The following CFAP65 variants were observed in gnomAD, a reference collection of about 807,000 sequenced individuals.
CFAP65 encodes cilia- and flagella-associated protein 65.
A neutral mutation model predicts 208.0 loss-of-function variants in CFAP65; 155 were observed. That is an observed-to-expected ratio of 0.75 (90% CI 0.65 to 0.85). The LOEUF is 0.85. Among genes scored for constraint, CFAP65 ranks in the 40% least tolerant of loss-of-function variants. The probability of loss-of-function intolerance (pLI) is 0.00; values close to 1 mark genes in which losing one functional copy is unlikely to be tolerated. For missense variants in CFAP65, 2,294 were observed against 2,451.3 expected, an observed-to-expected ratio of 0.94 and a Z score of 1.36; for synonymous variants, 970 against 986.3, an observed-to-expected ratio of 0.98 and a Z score of 0.31.
intron 3 of CFAP65, 158 bp from the exon 4 acceptor site, chr2:219,038,736 C>T (rs138105180): frequency 3.5e-5 from 39 of 1,103,608 alleles, no homozygotes; most frequent in South Asian, 1.3e-4. Context: ...AGGCTGTACA[C>T]GAGATCCAGG....
chr2:219,020,495 C>T (rs1168803829), intron 19 of CFAP65, among the ~76,000 whole-genome samples: 1 of 152,210 alleles, frequency 6.6e-6, no homozygotes, highest in Non-Finnish European at 1.5e-5. Flanking sequence ...ATCCTCCTGC[C>T]TCAGCCTCCC....
intron 24 of CFAP65, among the ~76,000 whole-genome samples, chr2:219,012,674 A>C (rs1379700563): frequency 6.6e-6 from 1 of 152,252 alleles, no homozygotes. Context: ...ATCAGTAAAG[A>C]AAGAAAGGTC....
In CFAP65 at chr2:219,035,666, T is replaced by C; in HGVS notation, c.358-2A>G. ...CTGAGTGTCCATGGAGCTTGCGGGC[T>C]GTTCAGGTGGCAGGGAGAAGGGGGA... On this transcript the variant is annotated splice_acceptor_variant, in intron 4 of 34. Transcript: ENST00000341552. LOFTEE classifies it high-confidence loss of function. 6.2e-7 allele frequency: 1 copy of C among 1,607,430 alleles called. No homozygotes were observed. Among genetic ancestry groups the C allele is most frequent in the Admixed American group, 1.7e-5 (1 of 59,438 alleles).
chr2:219,023,813 G>T (rs570669730), intron 15 of CFAP65, among the ~76,000 whole-genome samples: 2 of 152,344 alleles, frequency 1.3e-5, no homozygotes, highest in African/African-American at 4.8e-5. Flanking sequence ...GACCCCATAA[G>T]GGGGACAGGC....
Position 219,008,270 on chromosome 2 carries a change from G to T in CFAP65, c.4674+777C>A, listed in dbSNP as rs562194164. Among the ~76,000 whole-genome samples, 13 of 152,280 alleles carry T rather than the reference G, an allele frequency of 8.5e-5. No homozygotes were observed. The South Asian group carries it at 2.5e-3, about 29-fold the overall frequency. ...TGGTCCCAGCTGTGCCCCACCTCTG[G>T]ATTATACTGAAGCAAATCCCAGATG... On this transcript the variant is annotated intron_variant, in intron 29 of 34. Coordinates refer to ENST00000341552, the MANE Select transcript of CFAP65 (RefSeq NM_194302.4).
At chr2:219,009,676 T>G (rs1041887292) in intron 27 of CFAP65, among the ~76,000 whole-genome samples, 6 of 48,872 alleles carry the variant, frequency 1.2e-4, no homozygotes, top group African/African-American at 2.9e-4. Flanking sequence ...TGGGATGGGG[T>G]GGGGTGGGGT....
rs945560569 is a variant in CFAP65 at position 219,004,551 on chromosome 2, C to A, written c.5052-96G>T. The A allele has an allele frequency of 5.8e-6, 8 of 1,379,530 alleles. No homozygotes were observed. The highest frequency in any genetic ancestry group is 2.9e-5 in the African/African-American group (2 of 68,758). 85.5% of individuals were successfully genotyped at this position (1,379,530 alleles called of 1,614,324 possible). A position where few individuals can be genotyped will look rare whatever the true frequency, so the allele number is the denominator to read the frequency against. ...AGCTAGGTTCTAGGTGGGAAAGGGGCTGCTAGGTGGGGAGAGGGGAGCCCT... is the reference window on the plus strand; with the variant it reads ...AGCTAGGTTCTAGGTGGGAAAGGGGATGCTAGGTGGGGAGAGGGGAGCCCT... On this transcript the variant is annotated intron_variant, in intron 32 of 34. Coordinates refer to ENST00000341552, the MANE Select transcript of CFAP65 (RefSeq NM_194302.4). This position sits in a 1 kb window ranked among gnomAD's most constrained non-coding sequence, Gnocchi z 4.7.
In CFAP65 at chr2:219,003,350, T is replaced by C. The variant is rs73993385; in HGVS notation, c.5556-78A>G. On this transcript the variant is annotated intron_variant, in intron 33 of 34. Transcript: ENST00000341552. The surrounding 1 kb of genome is among the most constrained non-coding windows in gnomAD (Gnocchi z 4.4). ...CTCGCTCGCCTGTCCGTGCGGTACA[T>C]TGTGCCGCGAGCTCTACGGAGATTC... The C allele has an allele frequency of 1.7e-5, 25 of 1,440,922 alleles. No individual in the cohort carries two copies. The South Asian group carries it at 2.9e-4, about 17-fold the overall frequency. 89.3% of individuals were successfully genotyped at this position (1,440,922 alleles called of 1,614,324 possible).
intron 5 of CFAP65, chr2:219,034,570 A>G (rs1340592201): frequency 6.6e-6 from 1 of 152,240 alleles, no homozygotes; most frequent in Non-Finnish European, 1.5e-5. Context: ...TTTATTCTTC[A>G]AAAGACACAA....
chr2:219,007,098 A>C (rs137884243), intron 29 of CFAP65, among the ~76,000 whole-genome samples: 1,767 of 152,072 alleles, frequency 0.012, 21 homozygotes, highest in African/African-American at 0.035. Context: ...TCCCTCATTA[A>C]GATTTAATTC....
At position 219,028,413 on chromosome 2, in the gene CFAP65, G is replaced by A; in HGVS notation, c.1651-12C>T. On this transcript the variant is annotated splice_polypyrimidine_tract_variant and intron_variant, in intron 11 of 34. Transcript: ENST00000341552. ...AGGAACAGTGGGTCCTGTGACATTT[G>A]TCTGTGTGTGGTGGGGCATGGGAGG... is the stretch of plus-strand genomic sequence containing the variant. 6.2e-7 allele frequency: 1 copy of A among 1,610,802 alleles called. No individual in the cohort carries two copies. Among genetic ancestry groups the A allele is most frequent in the East Asian group, 2.2e-5 (1 of 44,822 alleles).
intron 5 of CFAP65, chr2:219,033,567 ATAAACT>A (rs1296499808): frequency 6.6e-6 from 1 of 152,194 alleles, no homozygotes; most frequent in African/African-American, 2.4e-5. Context: ...AAGAAATTAG[ATAAACT>A]TTAATGTGTG....
chr2:219,005,873 T>C (rs1945933603), intron 31 of CFAP65, 148 bp downstream of exon 31: 2 of 861,248 alleles, frequency 2.3e-6, no homozygotes, highest in Non-Finnish European at 3.6e-6. Context: ...TAATGGGGCA[T>C]CCTGGGCCCA....
In CFAP65 at chr2:219,013,955, C is replaced by T. The variant is rs748550771; in HGVS notation, c.3692G>A (p.Arg1231His). ...ELNSTELHQM[R>H]VQDNCLFSIS... Reference sequence around the variant, plus strand: ...GGAGAAGAGGCAATTGTCCTGCACGCGCATCTGGTGGAGCTCAGTGGAATT... The same window carrying T: ...GGAGAAGAGGCAATTGTCCTGCACGTGCATCTGGTGGAGCTCAGTGGAATT... Residue 1231 changes from arginine (R) to histidine (H), a missense_variant, in exon 22 of 35, where the codon CGC becomes CAC. By Grantham distance (29) the Arg-to-His change is conservative. Coordinates refer to ENST00000341552, the MANE Select transcript of CFAP65 (RefSeq NM_194302.4). 6.8e-6 allele frequency: 11 copies of T among 1,613,496 alleles called. No homozygotes were observed. The highest frequency in any genetic ancestry group is 2.2e-5 in the East Asian group (1 of 44,894).
rs765097178 is a variant in CFAP65 at position 219,026,069 on chromosome 2, C to T, written c.2302G>A (p.Ala768Thr). 31 of 1,614,024 alleles carry T rather than the reference C, an allele frequency of 1.9e-5. No individual in the cohort carries two copies. Among genetic ancestry groups the T allele is most frequent in the Non-Finnish European group, 2.5e-5 (30 of 1,180,032 alleles). Residue 768 changes from alanine to threonine, a missense_variant, in exon 14 of 35, where the codon GCT becomes ACT. Transcript: ENST00000341552. Reference protein sequence around the residue: ...TVRARGHSYFAGFEHHIPQYS... With the variant: ...TVRARGHSYFTGFEHHIPQYS... ...TGGGGGATGTGGTGCTCAAAGCCAG[C>T]GAAATAGCTGTGGCCTCGTGCCCGC...
At chr2:219,041,464 T>C in intron 1 of CFAP65, 24 bp downstream of exon 1, 2 of 1,550,464 alleles carry the variant, frequency 1.3e-6, no homozygotes, top group Non-Finnish European at 1.7e-6. Flanking sequence ...CCCTGGGACC[T>C]TGGGACTAAC....
At chr2:219,026,416 G>A (rs1574614850) in intron 13 of CFAP65, 2 of 366,214 alleles carry the variant, frequency 5.5e-6, no homozygotes, top group East Asian at 8.6e-5. Context: ...GGATGTGAAA[G>A]CACCATTCAT....
chr2:219,018,969 G>T, intron 21 of CFAP65, 82 bp downstream of exon 21: 7 of 1,570,094 alleles, frequency 4.5e-6, no homozygotes, highest in South Asian at 1.1e-5. Context: ...GCCACCACGG[G>T]CAAGAGAGTG....
At position 219,025,912 on chromosome 2, in the gene CFAP65, T is replaced by A. The variant is rs555936488; in HGVS notation, c.2349+110A>T. On this transcript the variant is annotated intron_variant, in intron 14 of 34. Transcript: ENST00000341552. Reference sequence around the variant, plus strand: ...CGGACGTGGGGACAGCCAGGGAGGGTGCAAAGATGTGTTTCTGAGGCCATC... The same window carrying A: ...CGGACGTGGGGACAGCCAGGGAGGGAGCAAAGATGTGTTTCTGAGGCCATC... 2.2e-6 allele frequency: 3 copies of A among 1,359,832 alleles called. No individual in the cohort carries two copies. The South Asian group carries it at 3.9e-5, about 18-fold the overall frequency. The allele number at this position is 1,359,832 out of a possible 1,614,324, so 84.2% of individuals were successfully genotyped here.
Sources: gnomAD v4.1 joint callset for allele counts (sites outside exome capture counted in the v4.1 genomes callset) on GRCh38, gnomAD v4.1.1 for gene constraint, Gnocchi (gnomAD v3.1) non-coding constraint, MANE v1.5 for transcripts, NCBI Gene and HGNC (gene_info 2026-07-23, HGNC 2026-07-21) for gene names.